PCDHA9: variants seen among roughly 807,000 people sequenced by gnomAD.
PCDHA9 encodes protocadherin alpha 9.
PCDHA9 carries 62 observed loss-of-function variants against 62.0 expected under a neutral mutation model. That is an observed-to-expected ratio of 1.00 (90% CI 0.81 to 1.23). PCDHA9 has a LOEUF of 1.23. Among genes scored for constraint, PCDHA9 ranks in the 50% most tolerant of loss-of-function variants. PCDHA9 has a pLI of 0.00. For missense variants in PCDHA9, 1,205 were observed against 1,249.8 expected, an observed-to-expected ratio of 0.96 and a Z score of 0.54; for synonymous variants, 557 against 567.6, an observed-to-expected ratio of 0.98 and a Z score of 0.27.
intron 1 of PCDHA9, chr5:140,852,775 T>G (rs1554146101): frequency 1.0e-6 from 1 of 980,592 alleles, no homozygotes; most frequent in African/African-American, 1.8e-5. Context: ...TTATTTGATG[T>G]GAATAGAGGG....
Position 140,850,087 on chromosome 5 carries a change from T to A in PCDHA9, c.1592T>A (p.Leu531Gln), listed in dbSNP as rs2150466351. ...TTGGACCACGAGGAGCTGGAGCTGC[T>A]ACAGTTCCAGGTGAGCGCGCGCGAC... ...QPLDHEELEL[L>Q]QFQVSARDAG... is the part of the protein sequence containing the mutation. The change falls in exon 1 of 4, where the codon CTA (leucine) becomes CAA (glutamine). Residue 531 changes from leucine to glutamine, a missense_variant. Physicochemically the swap from Leu to Gln is moderately radical, Grantham distance 113. Around this residue, in one of 3 missense-constraint regions of PCDHA9, gnomAD observed 887 missense variants for 809.5 expected, o/e 1.10. Transcript: ENST00000532602. 6.3e-7 allele frequency: 1 copy of A among 1,596,398 alleles called. No individual in the cohort carries two copies. Among genetic ancestry groups the A allele is most frequent in the East Asian group, 2.2e-5 (1 of 44,814 alleles).
chr5:140,859,470 A>G (rs184833883), intron 1 of PCDHA9: 1 of 211,162 alleles, frequency 4.7e-6, no homozygotes, highest in South Asian at 1.3e-4. Context: ...TACACTATCA[A>G]TTGTGTTTTC....
At chr5:140,911,258 T>C (rs265316) in intron 1 of PCDHA9, among the ~76,000 whole-genome samples, 87,913 of 151,980 alleles carry the variant, frequency 0.58, 26,381 homozygotes, top group African/African-American at 0.75. Flanking sequence ...TCAGAATTTA[T>C]AATCTCAGTG....
At chr5:140,870,771 C>A (rs370490786) in intron 1 of PCDHA9, 1 of 1,613,466 alleles carries the variant, frequency 6.2e-7, no homozygotes, top group Non-Finnish European at 8.5e-7. Context: ...TCGTGCTGGA[C>A]GAGAACGACA....
In PCDHA9 at chr5:140,850,670, G is replaced by A; in HGVS notation, c.2175G>A (p.Ala725=). 1 of 1,598,618 alleles carries A rather than the reference G, an allele frequency of 6.3e-7. No individual in the cohort carries two copies. Among genetic ancestry groups the A allele is most frequent in the Non-Finnish European group, 8.6e-7 (1 of 1,167,936 alleles). ...LLLYTVLRCS[A]MPTEGECAPG... is the part of the protein sequence containing the mutation. ...TGTACACTGTGCTGCGGTGCTCGGC[G>A]ATGCCCACCGAGGGCGAGTGCGCGC... Residue 725 remains alanine (A), a synonymous_variant, in exon 1 of 4, where the codon GCG becomes GCA. Transcript: ENST00000532602.
At chr5:140,887,029 T>C (rs1308343052) in intron 1 of PCDHA9, among the ~76,000 whole-genome samples, 1 of 152,140 alleles carries the variant, frequency 6.6e-6, no homozygotes, top group Non-Finnish European at 1.5e-5. Flanking sequence ...AAAAATTTCT[T>C]TAATATTTTT....
At chr5:140,858,713 G>A (rs1554151978) in intron 1 of PCDHA9, 3 of 521,676 alleles carry the variant, frequency 5.8e-6, no homozygotes, top group African/African-American at 3.9e-5. Context: ...TGTGATATAG[G>A]TTGCAGTTCT....
chr5:140,887,769 T>A (rs1012351831), intron 1 of PCDHA9, among the ~76,000 whole-genome samples: 23 of 152,212 alleles, frequency 1.5e-4, no homozygotes, highest in African/African-American at 5.5e-4. Flanking sequence ...TATGTTACAA[T>A]GACACAGGTC....
chr5:140,998,497 G>A (rs1367409428), intron 3 of PCDHA9, among the ~76,000 whole-genome samples: 2 of 152,090 alleles, frequency 1.3e-5, no homozygotes, highest in East Asian at 3.8e-4. Flanking sequence ...TTTGAGAACA[G>A]GGTACTTGTC....
In PCDHA9 at chr5:140,848,451, T is replaced by A. The variant is rs1450153960; in HGVS notation, c.-45T>A. The A allele has an allele frequency of 1.3e-6, 2 of 1,519,288 alleles. No homozygotes were observed. The highest frequency in any genetic ancestry group is 1.8e-6 in the Non-Finnish European group (2 of 1,116,992). The allele number at this position is 1,519,288 out of a possible 1,614,324, so 94.1% of individuals were successfully genotyped here. Reference sequence around the variant, plus strand: ...GACGAAATCAGATGATTTCTTCTAATTTGGAGGCAATTTTCACTAATTAGA... The same window carrying A: ...GACGAAATCAGATGATTTCTTCTAAATTGGAGGCAATTTTCACTAATTAGA... On this transcript the variant is annotated 5_prime_UTR_variant, in exon 1 of 4. Transcript: ENST00000532602.
At chr5:140,872,392 T>C (rs2053635930) in intron 1 of PCDHA9, among the ~76,000 whole-genome samples, 1 of 152,152 alleles carries the variant, frequency 6.6e-6, no homozygotes, top group African/African-American at 2.4e-5. Flanking sequence ...TTTGGGAGGC[T>C]GAGGCAGGAG....
Position 140,850,443 on chromosome 5 carries a change from C to G in PCDHA9, c.1948C>G (p.Leu650Val). 1 of 1,597,988 alleles carries G rather than the reference C, an allele frequency of 6.3e-7. No homozygotes were observed. The highest frequency in any genetic ancestry group is 2.2e-5 in the East Asian group (1 of 44,824). Residue 650 changes from leucine (L) to valine (V), a missense_variant, in exon 1 of 4, where the codon CTG (leucine) becomes GTG (valine). Physicochemically the swap from Leu to Val is conservative, Grantham distance 32. Around this residue, in one of 3 missense-constraint regions of PCDHA9, gnomAD observed 887 missense variants for 809.5 expected, o/e 1.10. Coordinates refer to ENST00000532602, the MANE Select transcript of PCDHA9 (RefSeq NM_031857.2). ...CGCACCGCGCCAGCGCCTACTGGTGCTGGTGAAAGACCACGGGGAGCCAGC... is the reference window on the plus strand; with the variant it reads ...CGCACCGCGCCAGCGCCTACTGGTGGTGGTGAAAGACCACGGGGAGCCAGC... Reference protein sequence around the residue: ...TDAPRQRLLVLVKDHGEPALT... With the variant: ...TDAPRQRLLVVVKDHGEPALT...
chr5:140,873,888 T>C (rs1225763068), intron 1 of PCDHA9, among the ~76,000 whole-genome samples: 2 of 152,232 alleles, frequency 1.3e-5, no homozygotes, highest in African/African-American at 4.8e-5. Flanking sequence ...CTTGAACTCC[T>C]GACCTCAGGT....
intron 1 of PCDHA9, chr5:140,869,209 T>C (rs782345986): frequency 1.2e-6 from 2 of 1,613,950 alleles, no homozygotes; most frequent in South Asian, 2.2e-5. Flanking sequence ...CTACTCCGTC[T>C]CGGAGGAGGC....
Position 140,857,895 on chromosome 5 carries a change from G to C in PCDHA9, c.2394+7006G>C. 1.3e-6 allele frequency: 2 copies of C among 1,597,868 alleles called. 1 individual carries two copies. The highest frequency in any genetic ancestry group is 2.2e-5 in the South Asian group (2 of 90,498). ...TATGAATTGCAGTCGGCGGCGGTTG[G>C]TGCACGCATCCCGTTTCGCGTGGGG... On this transcript the variant is annotated intron_variant, in intron 1 of 3. Coordinates refer to ENST00000532602, the MANE Select transcript of PCDHA9 (RefSeq NM_031857.2).
chr5:140,857,331 A>G lies in PCDHA9; in HGVS notation c.2394+6442A>G, dbSNP rs1554149861. 4 of 1,598,402 alleles carry G rather than the reference A, an allele frequency of 2.5e-6. No homozygotes were observed. Among genetic ancestry groups the G allele is most frequent in the African/African-American group, 1.3e-5 (1 of 74,458 alleles). On this transcript the variant is annotated intron_variant, in intron 1 of 3. Coordinates refer to ENST00000532602, the MANE Select transcript of PCDHA9 (RefSeq NM_031857.2). ...TATGAGCTGGTGGTGACCGCGCGGG[A>G]CGGGGGCTCGCCTCCGCTGTGGGCC...
intron 1 of PCDHA9, among the ~76,000 whole-genome samples, chr5:140,887,272 AT>A (rs2061386056): frequency 6.6e-6 from 1 of 151,690 alleles, no homozygotes; most frequent in South Asian, 2.1e-4. Context: ...AATTTTTTGT[AT>A]TTTTAGTAGA....
At position 140,850,293 on chromosome 5, in the gene PCDHA9, G is replaced by C. The variant is rs2150478191; in HGVS notation, c.1798G>C (p.Asp600His). 1 of 1,596,282 alleles carries C rather than the reference G, an allele frequency of 6.3e-7. No individual in the cohort carries two copies. The highest frequency in any genetic ancestry group is 8.6e-7 in the Non-Finnish European group (1 of 1,167,618). Residue 600 changes from aspartate (D) to histidine (H), a missense_variant, in exon 1 of 4, where the codon GAC (aspartate) becomes CAC (histidine). Asp to His is a moderately conservative substitution (Grantham distance 81). This residue lies in a region of PCDHA9 where 887 missense variants were observed against 809.5 expected (regional missense o/e 1.10). Coordinates refer to ENST00000532602, the MANE Select transcript of PCDHA9 (RefSeq NM_031857.2). ...GGGGAAGGTGCGCGCAGTGGACGCCGACTCGGGCTACAACGCGTGGCTTTC... is the reference window on the plus strand; with the variant it reads ...GGGGAAGGTGCGCGCAGTGGACGCCCACTCGGGCTACAACGCGTGGCTTTC... ...VVGKVRAVDADSGYNAWLSYE... is the reference protein window; with the variant it reads ...VVGKVRAVDAHSGYNAWLSYE...
At chr5:140,915,683 G>A (rs1052949485) in intron 1 of PCDHA9, among the ~76,000 whole-genome samples, 1 of 150,776 alleles carries the variant, frequency 6.6e-6, no homozygotes, top group African/African-American at 2.4e-5. Context: ...TTGAACTAGG[G>A]GTATGGTGAT....
Sources: gnomAD v4.1 joint callset for allele counts (sites outside exome capture counted in the v4.1 genomes callset) on GRCh38, gnomAD v4.1.1 for gene constraint, gnomAD v4.1.1 regional missense constraint, MANE v1.5 for transcripts, NCBI Gene and HGNC (gene_info 2026-07-23, HGNC 2026-07-21) for gene names.